Variants in TBC1D2B observed in about 807,000 individuals in gnomAD.
The protein encoded by TBC1D2B is TBC1 domain family member 2B, also known as TBC1 domain family, member 2B.
Under a neutral mutation model 100.8 loss-of-function variants are expected in TBC1D2B, and 64 were observed. The ratio of observed to expected loss-of-function variants is 0.64; its 90% CI spans 0.52 to 0.78. The LOEUF (loss-of-function observed/expected upper bound fraction) is 0.78. TBC1D2B is among the 30% of genes least tolerant of loss of function. The probability of loss-of-function intolerance (pLI) is 0.00; values close to 1 mark genes in which losing one functional copy is unlikely to be tolerated. For synonymous variants in TBC1D2B, 480 were observed against 479.7 expected (o/e 1.00, Z -0.01); for missense variants, 1,052 against 1,218.4 (o/e 0.86, Z 2.03).
At chr15:78,020,920 T>C (rs749800409) in intron 6 of TBC1D2B, among the ~76,000 whole-genome samples, 3 of 152,154 alleles carry the variant, frequency 2.0e-5, no homozygotes, top group Non-Finnish European at 4.4e-5. Flanking sequence ...AAGTAAATGA[T>C]AACACAAAGG....
intron 8 of TBC1D2B, among the ~76,000 whole-genome samples, chr15:78,014,961 G>C (rs1056408209): frequency 6.6e-5 from 10 of 152,204 alleles, no homozygotes; most frequent in Non-Finnish European, 2.9e-5. Flanking sequence ...CAGCACTTTG[G>C]GAGGCCGAGG....
intron 1 of TBC1D2B, among the ~76,000 whole-genome samples, chr15:78,075,264 T>C (rs575990366): frequency 1.3e-5 from 2 of 152,172 alleles, no homozygotes; most frequent in East Asian, 1.9e-4. Context: ...AGTGGCGCGA[T>C]CTCTGCTCAC....
At chr15:78,068,077 G>T (rs2073687377) in intron 1 of TBC1D2B, among the ~76,000 whole-genome samples, 1 of 152,072 alleles carries the variant, frequency 6.6e-6, no homozygotes, top group African/African-American at 2.4e-5. Flanking sequence ...ATGGAGAAGT[G>T]CCAGACTTCT....
intron 1 of TBC1D2B, among the ~76,000 whole-genome samples, chr15:78,060,184 G>A (rs944703313): frequency 2.0e-5 from 3 of 152,176 alleles, no homozygotes; most frequent in Non-Finnish European, 2.9e-5. Context: ...CTTGGGCCAA[G>A]TCCAGTAGTT....
At chr15:78,023,454 GAA>G (rs897587801) in intron 6 of TBC1D2B, among the ~76,000 whole-genome samples, 73 of 152,354 alleles carry the variant, frequency 4.8e-4, no homozygotes, top group African/African-American at 1.5e-3. Context: ...CTACAGGCAA[GAA>G]GAGAAATGCA....
At chr15:78,077,268 GC>G in intron 1 of TBC1D2B, 24 bp downstream of exon 1, 1 of 1,409,452 alleles carries the variant, frequency 7.1e-7, no homozygotes, top group East Asian at 3.0e-5. Context: ...AAGCGCGCGG[GC>G]GGCTTTGGGG....
chr15:78,003,587 C>T, intron 10 of TBC1D2B, 97 bp from the exon 11 acceptor site: 1 of 856,482 alleles, frequency 1.2e-6, no homozygotes, highest in South Asian at 1.6e-5. Context: ...GGGGTGGAGC[C>T]CAAGTGACAG....
intron 6 of TBC1D2B, among the ~76,000 whole-genome samples, chr15:78,019,730 A>G (rs2072467232): frequency 6.6e-6 from 1 of 151,992 alleles, no homozygotes; most frequent in Non-Finnish European, 1.5e-5. Flanking sequence ...TCTACTAAAA[A>G]TACAAAAAAA....
intron 4 of TBC1D2B, among the ~76,000 whole-genome samples, chr15:78,027,997 C>G (rs1480662145): frequency 3.3e-5 from 5 of 152,214 alleles, no homozygotes; most frequent in African/African-American, 1.2e-4. Flanking sequence ...TCATGACAGT[C>G]CTTTTCCAGG....
chr15:78,047,017 T>C (rs751109745), intron 2 of TBC1D2B, among the ~76,000 whole-genome samples: 1 of 152,224 alleles, frequency 6.6e-6, no homozygotes, highest in Non-Finnish European at 1.5e-5. Flanking sequence ...GGGCATGGCA[T>C]GAGTAAACAA....
At chr15:78,056,545 G>T (rs539554200) in intron 1 of TBC1D2B, among the ~76,000 whole-genome samples, 2 of 152,230 alleles carry the variant, frequency 1.3e-5, no homozygotes, top group Non-Finnish European at 2.9e-5. Context: ...TGCAGACACA[G>T]GAGCTCAGCC....
chr15:78,005,368 T>C (rs892286186), intron 10 of TBC1D2B, among the ~76,000 whole-genome samples: 1 of 152,214 alleles, frequency 6.6e-6, no homozygotes, highest in African/African-American at 2.4e-5. Flanking sequence ...GACAAGCATG[T>C]GGACTGCAGT....
intron 6 of TBC1D2B, among the ~76,000 whole-genome samples, chr15:78,023,704 GCTGGA>G (rs1453218437): frequency 1.3e-5 from 2 of 152,200 alleles, no homozygotes; most frequent in Non-Finnish European, 2.9e-5. Flanking sequence ...CTACTTGGAA[GCTGGA>G]GTCCGCTTCC....
intron 10 of TBC1D2B, among the ~76,000 whole-genome samples, chr15:78,008,460 C>A (rs1282722786): frequency 6.6e-6 from 1 of 152,210 alleles, no homozygotes; most frequent in African/African-American, 2.4e-5. Context: ...GGCTTGAGGG[C>A]TCCCCACTGG....
chr15:78,050,610 A>G (rs1287623174), intron 2 of TBC1D2B, among the ~76,000 whole-genome samples: 3 of 152,244 alleles, frequency 2.0e-5, no homozygotes, highest in Non-Finnish European at 2.9e-5. Context: ...ATCTTTATGC[A>G]AATTACTCTT....
intron 3 of TBC1D2B, among the ~76,000 whole-genome samples, chr15:78,044,065 G>C (rs2073145672): frequency 6.7e-6 from 1 of 150,360 alleles, no homozygotes; most frequent in Admixed American, 6.6e-5. Context: ...AATTCATAGA[G>C]ATAGAAAGTT....
chr15:78,002,854 T>G (rs2071951190), intron 11 of TBC1D2B: 3 of 163,192 alleles, frequency 1.8e-5, no homozygotes, highest in Non-Finnish European at 4.1e-5. Context: ...TATTCCTTAT[T>G]CAAAAACTGA....
Position 78,025,420 on chromosome 15 carries a change from C to G in TBC1D2B, c.925G>C (p.Gly309Arg). ...CTGCTGTGACGATTTTTGTACGACC[C>G]AATTATGTCTTTCAAAGGGCGCTTT... ...KGKRPLKDII[G>R]SYKNRHSSGD... is the part of the protein sequence containing the mutation. Residue 309 changes from glycine (G) to arginine (R), a missense_variant, in exon 5 of 13, where the codon GGG (glycine) becomes CGG (arginine). Physicochemically the swap from Gly to Arg is moderately radical, Grantham distance 125. Transcript: ENST00000300584. The G allele has an allele frequency of 1.2e-6, 2 of 1,613,936 alleles. No homozygotes were observed. Among genetic ancestry groups the G allele is most frequent in the Non-Finnish European group, 1.7e-6 (2 of 1,179,896 alleles).
Position 78,030,059 on chromosome 15 carries a change from C to T in TBC1D2B, c.795G>A (p.Glu265=). 1.2e-6 allele frequency: 2 copies of T among 1,613,792 alleles called. No homozygotes were observed. ...ELLDPTPKDL[E]ESIVQEEKKK... ...TCTTTTCTTCCTGTACTATGGACTC[C>T]TCTAGGTCCTTAGGGGTTGGGTCTA... is the stretch of plus-strand genomic sequence containing the variant. The change falls in exon 4 of 13, where the codon GAG becomes GAA. Residue 265 remains glutamate, a synonymous_variant. Transcript: ENST00000300584.
Sources: allele counts gnomAD v4.1 joint callset (sites outside exome capture counted in the v4.1 genomes callset), GRCh38; gene constraint gnomAD v4.1.1; transcripts MANE v1.5; gene names NCBI Gene and HGNC (gene_info 2026-07-23, HGNC 2026-07-21).